CDK5RAP2: variants seen among roughly 807,000 people sequenced by gnomAD.
The protein encoded by CDK5RAP2 is CDK5 regulatory subunit associated protein 2.
CDK5RAP2 carries 147 observed loss-of-function variants against 232.9 expected under a neutral mutation model. The ratio of observed to expected loss-of-function variants is 0.63; its 90% confidence interval spans 0.55 to 0.72. The LOEUF (loss-of-function observed/expected upper bound fraction) is 0.72, where lower values mean the gene tolerates loss of function less well. Among genes scored for constraint, CDK5RAP2 ranks in the 30% least tolerant of loss-of-function variants. The pLI is 0.00. For missense variants in CDK5RAP2, 2,195 were observed against 2,231.5 expected, an observed-to-expected ratio of 0.98 and a Z score of 0.33; for synonymous variants, 833 against 833.7, an observed-to-expected ratio of 1.00 and a Z score of 0.01.
chr9:120,440,971 T>A (rs547929771), intron 23 of CDK5RAP2, among the ~76,000 whole-genome samples: 1 of 152,308 alleles, frequency 6.6e-6, no homozygotes, highest in South Asian at 2.1e-4. Context: ...TAGCTAGTAA[T>A]AGCTAAACCC....
chr9:120,457,391 T>G (rs1046269539), intron 20 of CDK5RAP2, among the ~76,000 whole-genome samples: 1 of 152,178 alleles, frequency 6.6e-6, no homozygotes, highest in South Asian at 2.1e-4. Context: ...GTCTTTTAAC[T>G]CTGAAGTAAA....
At chr9:120,394,710 C>T (rs2032310726) in intron 35 of CDK5RAP2, 72 bp from the exon 36 acceptor site, 3 of 1,246,700 alleles carry the variant, frequency 2.4e-6, no homozygotes, top group Middle Eastern at 2.1e-4. Context: ...AATTACAAAG[C>T]CATATAAAAA....
intron 10 of CDK5RAP2, among the ~76,000 whole-genome samples, chr9:120,526,322 T>C (rs957404853): frequency 2.6e-5 from 4 of 152,094 alleles, no homozygotes; most frequent in African/African-American, 9.7e-5. Flanking sequence ...TCTACCACTG[T>C]CCCAGATCTT....
At chr9:120,503,127 T>G (rs1474020271) in intron 12 of CDK5RAP2, among the ~76,000 whole-genome samples, 3 of 152,208 alleles carry the variant, frequency 2.0e-5, no homozygotes, top group Non-Finnish European at 4.4e-5. Context: ...TGTGCTATTG[T>G]TAAGGCTAAA....
At position 120,467,892 on chromosome 9, in the gene CDK5RAP2, G is replaced by A. The variant is rs2037472978; in HGVS notation, c.2074C>T (p.Pro692Ser). 1 of 1,614,132 alleles carries A rather than the reference G, an allele frequency of 6.2e-7. No homozygotes were observed. Among genetic ancestry groups the A allele is most frequent in the Non-Finnish European group, 8.5e-7 (1 of 1,179,996 alleles). The change falls in exon 18 of 38, where the codon CCA becomes TCA. Residue 692 changes from proline (P) to serine (S), a missense_variant. Transcript: ENST00000349780. ...TGTTCTGTAGACGCAAGTCTATCTG[G>A]AAACCCATTTCCCTGGAAACCCATG... is the stretch of plus-strand genomic sequence containing the variant. The part of the protein sequence containing the change: ...SCMGFQGNGF[P>S]DRLASTEQTE...
At chr9:120,391,182 C>T (rs2031935096) in intron 36 of CDK5RAP2, among the ~76,000 whole-genome samples, 2 of 152,158 alleles carry the variant, frequency 1.3e-5, no homozygotes, top group Admixed American at 1.3e-4. Context: ...TTAAGTATCA[C>T]AGCTGTGGAG....
intron 27 of CDK5RAP2, among the ~76,000 whole-genome samples, chr9:120,417,639 A>T (rs936990482): frequency 6.6e-6 from 1 of 152,240 alleles, no homozygotes; most frequent in African/African-American, 2.4e-5. Context: ...TCCCAGTTGA[A>T]CTGGACACCA....
Position 120,391,484 on chromosome 9 carries a change from G to A in CDK5RAP2, c.5579-1697C>T, listed in dbSNP as rs376409712. Among the ~76,000 whole-genome samples the A allele has an allele frequency of 5.3e-5, 8 of 152,302 alleles. No individual in the cohort carries two copies. In the South Asian group the frequency reaches 1.2e-3, roughly 24 times the overall value. On this transcript the variant is annotated intron_variant, in intron 36 of 37. Transcript: ENST00000349780. The stretch of plus-strand genomic sequence containing the variant: ...AGCAGAGTGCTGGGAAGAAGGTACC[G>A]ACCTGAGCTGAGCAGTGTTGACCTG...
chr9:120,437,503 T>A lies in CDK5RAP2; in HGVS notation c.3747A>T (p.Gln1249His), dbSNP rs1309164737. 6.2e-7 allele frequency: 1 copy of A among 1,613,760 alleles called. No homozygotes were observed. The highest frequency in any genetic ancestry group is 1.7e-5 in the Admixed American group (1 of 60,032). Residue 1249 changes from glutamine to histidine, a missense_variant, in exon 25 of 38, where the codon CAA (glutamine) becomes CAT (histidine). Gln to His is a conservative substitution (Grantham distance 24, BLOSUM62 0). Coordinates refer to ENST00000349780, the MANE Select transcript of CDK5RAP2 (RefSeq NM_018249.6). ...GCCGTTGAAGGGAGAGCTCCCTGGCTTGGGACTGAACTAATGAATCGTATC... is the reference window on the plus strand; with the variant it reads ...GCCGTTGAAGGGAGAGCTCCCTGGCATGGGACTGAACTAATGAATCGTATC... ...PPRYDSLVQS[Q>H]ARELSLQRQQ...
At chr9:120,473,745 T>A (rs942827096) in intron 15 of CDK5RAP2, among the ~76,000 whole-genome samples, 3 of 152,218 alleles carry the variant, frequency 2.0e-5, no homozygotes, top group African/African-American at 7.2e-5. Context: ...GATGCAGTCA[T>A]GCTGCAGAGG....
intron 37 of CDK5RAP2, 71 bp from the exon 38 acceptor site, chr9:120,389,363 G>T: frequency 8.2e-7 from 1 of 1,220,042 alleles, no homozygotes; most frequent in Non-Finnish European, 1.2e-6. Context: ...CCCCGACAGA[G>T]GTGAAAGCGA....
At chr9:120,490,138 G>A (rs1415217325) in intron 13 of CDK5RAP2, among the ~76,000 whole-genome samples, 1 of 152,146 alleles carries the variant, frequency 6.6e-6, no homozygotes, top group Non-Finnish European at 1.5e-5. Flanking sequence ...TCTCCTATTT[G>A]ATAAACTCAG....
At position 120,562,900 on chromosome 9, in the gene CDK5RAP2, T is replaced by G. The variant is rs189074828; in HGVS notation, c.195+5421A>C. Among the ~76,000 whole-genome samples the G allele has an allele frequency of 9.3e-4, 142 of 152,262 alleles. 1 individual carries two copies. Among genetic ancestry groups the G allele is most frequent in the Middle Eastern group, 6.8e-3 (2 of 294 alleles). The stretch of plus-strand genomic sequence containing the variant: ...GATAAAGCAACCAAAATTTGGAGCT[T>G]TAGTATTCCATACAAGGTTACACAT... On this transcript the variant is annotated intron_variant, in intron 3 of 37. Transcript: ENST00000349780.
intron 10 of CDK5RAP2, 26 bp from the exon 11 acceptor site, chr9:120,525,104 C>G: frequency 6.4e-7 from 1 of 1,561,396 alleles, no homozygotes; most frequent in Non-Finnish European, 8.8e-7. Flanking sequence ...GAATACCAGC[C>G]AAGTATGTAA....
At chr9:120,400,050 G>C (rs1588230602) in intron 35 of CDK5RAP2, among the ~76,000 whole-genome samples, 2 of 152,198 alleles carry the variant, frequency 1.3e-5, no homozygotes, top group African/African-American at 4.8e-5. Flanking sequence ...TAAACAAAGG[G>C]TGAAATATCT....
chr9:120,518,204 TGTGTGTGAGAGAGAGA>T (rs1167910068), intron 12 of CDK5RAP2, among the ~76,000 whole-genome samples: 5 of 107,260 alleles, frequency 4.7e-5, no homozygotes, highest in Non-Finnish European at 5.5e-5. Flanking sequence ...TGTGTGTGTG[TGTGTGTGAGAGAGAGA>T]GAGAGAGAGA....
chr9:120,552,778 G>A (rs2042091838), intron 3 of CDK5RAP2, among the ~76,000 whole-genome samples: 1 of 151,468 alleles, frequency 6.6e-6, no homozygotes, highest in African/African-American at 2.4e-5. Flanking sequence ...CAGCAACATG[G>A]CACATGTATA....
At chr9:120,566,904 T>C (rs1934650450) in intron 3 of CDK5RAP2, among the ~76,000 whole-genome samples, 1 of 152,224 alleles carries the variant, frequency 6.6e-6, no homozygotes, top group South Asian at 2.1e-4. Flanking sequence ...AGATAAAAGA[T>C]GTGAAACCAA....
At chr9:120,442,419 A>C (rs1312673170) in intron 23 of CDK5RAP2, among the ~76,000 whole-genome samples, 1 of 152,200 alleles carries the variant, frequency 6.6e-6, no homozygotes, top group Non-Finnish European at 1.5e-5. Flanking sequence ...GGCCTTGTGA[A>C]AAAGAAACAG....
Sources: allele counts gnomAD v4.1 joint callset (sites outside exome capture counted in the v4.1 genomes callset), GRCh38; gene constraint gnomAD v4.1.1; transcripts MANE v1.5; gene names NCBI Gene and HGNC (gene_info 2026-07-23, HGNC 2026-07-21).